The following XIRP2 variants were observed in gnomAD, a reference collection of about 807,000 sequenced individuals.
The protein encoded by XIRP2 is xin actin binding repeat containing 2, also known as xin actin-binding repeat-containing protein 2.
XIRP2 carries 236 observed loss-of-function variants against 277.0 expected under a neutral mutation model. The ratio of observed to expected loss-of-function variants is 0.85; its 90% CI spans 0.77 to 0.95. The LOEUF (loss-of-function observed/expected upper bound fraction) is 0.95. Ranked by LOEUF, XIRP2 falls within the 40% of genes least tolerant of loss-of-function variation. XIRP2 has a pLI of 0.00. For synonymous variants in XIRP2, 1,490 were observed against 1,416.5 expected, an observed-to-expected ratio of 1.05 and a Z score of -1.17; for missense variants, 4,640 against 4,157.5, an observed-to-expected ratio of 1.12 and a Z score of -3.19.
chr2:167,082,314 A>G (rs1689761679), intron 2 of XIRP2, among the ~76,000 whole-genome samples: 1 of 152,102 alleles, frequency 6.6e-6, no homozygotes, highest in Non-Finnish European at 1.5e-5. Flanking sequence ...CATAGTGTAT[A>G]TGTGCCACAT....
chr2:167,165,239 T>A (rs867796945), intron 3 of XIRP2, among the ~76,000 whole-genome samples: 6 of 152,204 alleles, frequency 3.9e-5, no homozygotes, highest in African/African-American at 1.2e-4. Context: ...TTTTTGTCCA[T>A]TCACCTACTG....
intron 2 of XIRP2, among the ~76,000 whole-genome samples, chr2:166,955,528 A>C (rs566471350): frequency 6.6e-6 from 1 of 151,970 alleles, no homozygotes; most frequent in South Asian, 2.1e-4. Flanking sequence ...AATTTACTAC[A>C]AAAAGCATTG....
At chr2:167,150,467 T>C (rs1005621837) in intron 3 of XIRP2, among the ~76,000 whole-genome samples, 1 of 145,702 alleles carries the variant, frequency 6.9e-6, no homozygotes, top group African/African-American at 2.7e-5. Context: ...TATGGCAGTA[T>C]TGGTTTTATT....
Position 166,893,417 on chromosome 2 carries a change from G to T in XIRP2, c.-19+4860G>T, listed in dbSNP as rs1218372133. 3.3e-5 allele frequency among the ~76,000 whole-genome samples: 5 copies of T among 152,042 alleles called. No homozygotes were observed. In the South Asian group the frequency reaches 8.3e-4, roughly 25 times the overall value. ...CTTGAACATATGCATATATTTTGAA[G>T]TCATGCAATACATTCCTTTCTGCGT... On this transcript the variant is annotated intron_variant, in intron 1 of 10. Coordinates refer to ENST00000409195, the MANE Select transcript of XIRP2 (RefSeq NM_152381.6).
chr2:167,111,067 C>G (rs749479245), intron 2 of XIRP2, among the ~76,000 whole-genome samples: 1 of 152,052 alleles, frequency 6.6e-6, no homozygotes, highest in Non-Finnish European at 1.5e-5. Context: ...GATCAAGGAG[C>G]TTTTGGACCC....
At position 167,061,429 on chromosome 2, in the gene XIRP2, G is replaced by A. The variant is rs964262679; in HGVS notation, c.409-74480G>A. ...ACCAGAAATATTTGCCTTTTTTTCC[G>A]CATCTTAGAGAGAAAGCATTTGATC... On this transcript the variant is annotated intron_variant, in intron 2 of 10. Coordinates refer to ENST00000409195, the MANE Select transcript of XIRP2 (RefSeq NM_152381.6). Among the ~76,000 whole-genome samples the A allele has an allele frequency of 1.3e-4, 20 of 151,752 alleles. No individual in the cohort carries two copies. The East Asian group carries it at 2.3e-3, about 18-fold the overall frequency.
At chr2:167,077,977 T>A (rs995049429) in intron 2 of XIRP2, among the ~76,000 whole-genome samples, 22 of 152,234 alleles carry the variant, frequency 1.4e-4, no homozygotes, top group African/African-American at 5.3e-4. Context: ...TTTGATTGCG[T>A]ATGAATTTTA....
intron 2 of XIRP2, among the ~76,000 whole-genome samples, chr2:166,915,622 G>C (rs1204867135): frequency 6.6e-6 from 1 of 152,074 alleles, no homozygotes. Context: ...TCAGCCTCCT[G>C]TATGTTCTCA....
intron 5 of XIRP2, among the ~76,000 whole-genome samples, chr2:167,236,548 G>C (rs1399462959): frequency 6.6e-6 from 1 of 151,968 alleles, no homozygotes; most frequent in Non-Finnish European, 1.5e-5. Context: ...TTCAAAGTTA[G>C]AGCATATACA....
intron 3 of XIRP2, among the ~76,000 whole-genome samples, chr2:167,166,196 GT>G (rs1056779014): frequency 4.0e-5 from 6 of 151,348 alleles, no homozygotes; most frequent in African/African-American, 1.5e-4. Context: ...ATATCTTGAG[GT>G]TTTTTTTCTT....
At chr2:167,169,775 A>T (rs1255782937) in intron 3 of XIRP2, among the ~76,000 whole-genome samples, 1 of 152,186 alleles carries the variant, frequency 6.6e-6, no homozygotes, top group Admixed American at 6.5e-5. Flanking sequence ...TGAGCTTGCC[A>T]TATCTACTGG....
chr2:167,156,964 T>G (rs1460815716), intron 3 of XIRP2, among the ~76,000 whole-genome samples: 1 of 152,174 alleles, frequency 6.6e-6, no homozygotes. Flanking sequence ...AACTTTGATT[T>G]GTTTCTTTCA....
chr2:166,967,922 C>T (rs896303677), intron 2 of XIRP2, among the ~76,000 whole-genome samples: 7 of 151,972 alleles, frequency 4.6e-5, no homozygotes, highest in Admixed American at 1.3e-4. Context: ...CTGGTGAAAT[C>T]CTTGTTCAAT....
intron 2 of XIRP2, among the ~76,000 whole-genome samples, chr2:166,950,297 A>C (rs1445726327): frequency 6.6e-6 from 1 of 152,070 alleles, no homozygotes; most frequent in Non-Finnish European, 1.5e-5. Flanking sequence ...TAGAATCTCA[A>C]GTACTTGTTG....
In XIRP2 at chr2:167,245,056, A is replaced by C; in HGVS notation, c.3664A>C (p.Lys1222Gln). ...TTCTAGTTCAGAGGAAGTTTTGAAA[A>C]AGATCAAAACCTTAAAAACTGAAGA... ...ISSSSEEVLK[K>Q]IKTLKTEDIQ... The change falls in exon 9 of 11, where the codon AAG becomes CAG. Residue 1222 changes from lysine to glutamine, a missense_variant. Coordinates refer to ENST00000409195, the MANE Select transcript of XIRP2 (RefSeq NM_152381.6). 6.2e-7 allele frequency: 1 copy of C among 1,611,630 alleles called. No individual in the cohort carries two copies. The highest frequency in any genetic ancestry group is 8.5e-7 in the Non-Finnish European group (1 of 1,179,292).
intron 2 of XIRP2, among the ~76,000 whole-genome samples, chr2:167,131,995 C>T (rs536625207): frequency 6.6e-6 from 1 of 151,964 alleles, no homozygotes; most frequent in Non-Finnish European, 1.5e-5. Context: ...CTCACTCCCT[C>T]TCTCTCTCAT....
chr2:166,950,074 A>T (rs1235181929), intron 2 of XIRP2, among the ~76,000 whole-genome samples: 1 of 152,090 alleles, frequency 6.6e-6, no homozygotes, highest in Non-Finnish European at 1.5e-5. Context: ...AGTGTAGTTA[A>T]TTACATACAG....
intron 2 of XIRP2, among the ~76,000 whole-genome samples, chr2:167,098,674 T>C (rs1052757108): frequency 1.8e-4 from 27 of 152,368 alleles, no homozygotes; most frequent in Admixed American, 1.6e-3. Flanking sequence ...CTCATCTTCA[T>C]GGATTTATGT....
intron 3 of XIRP2, among the ~76,000 whole-genome samples, chr2:167,205,299 T>C (rs1250458208): frequency 6.6e-6 from 1 of 152,166 alleles, no homozygotes; most frequent in East Asian, 1.9e-4. Flanking sequence ...CAATATTTGT[T>C]TAGTGAGAAT....
Sources: gnomAD v4.1 joint callset for allele counts (sites outside exome capture counted in the v4.1 genomes callset) on GRCh38, gnomAD v4.1.1 for gene constraint, MANE v1.5 for transcripts, NCBI Gene and HGNC (gene_info 2026-07-23, HGNC 2026-07-21) for gene names.